The following SEC14L6 variants were observed in gnomAD, a reference collection of about 807,000 sequenced individuals.
SEC14L6 encodes the protein SEC14 like lipid binding 6, also known as SEC14-like protein 6.
A neutral mutation model predicts 54.1 loss-of-function variants in SEC14L6; 40 were observed. The observed-to-expected ratio is 0.74, with a 90% confidence interval of 0.57 to 0.96. SEC14L6 has a LOEUF of 0.96. Ranked by LOEUF, SEC14L6 falls within the 40% of genes least tolerant of loss-of-function variation. SEC14L6 has a pLI of 0.00. For synonymous variants in SEC14L6, 171 were observed against 198.4 expected (o/e 0.86, Z 1.16); for missense variants, 471 against 498.3 (o/e 0.95, Z 0.52).
chr22:30,529,459 C>T (rs1030031890), intron 6 of SEC14L6, 110 bp from the exon 7 acceptor site: 24 of 840,066 alleles, frequency 2.9e-5, no homozygotes, highest in Non-Finnish European at 4.5e-5. Flanking sequence ...CGAATGCCAA[C>T]CATCCAAGGC....
At chr22:30,542,961 C>G (rs1047188822) in intron 1 of SEC14L6, 1 of 1,601,332 alleles carries the variant, frequency 6.2e-7, no homozygotes, top group South Asian at 1.1e-5. Flanking sequence ...GGAGCCCTGA[C>G]GTGGAGTTGA....
At chr22:30,542,485 G>C (rs1028817594) in intron 1 of SEC14L6, 1 of 598,302 alleles carries the variant, frequency 1.7e-6, no homozygotes, top group South Asian at 2.7e-5. Context: ...ACAAGTTTGC[G>C]CAAAGTGGAG....
At position 30,525,763 on chromosome 22, in the gene SEC14L6, G is replaced by A. The variant is rs1936754311; in HGVS notation, c.772-13C>T. 1 of 1,613,704 alleles carries A rather than the reference G, an allele frequency of 6.2e-7. No individual in the cohort carries two copies. The highest frequency in any genetic ancestry group is 1.7e-5 in the Admixed American group (1 of 59,976). On this transcript the variant is annotated splice_polypyrimidine_tract_variant and intron_variant, in intron 9 of 11. Coordinates refer to ENST00000402034, the MANE Select transcript of SEC14L6 (RefSeq NM_001193336.4). Reference sequence around the variant, plus strand: ...CCCCGTAGTTGATCTGTGGGTGAAGGGGGTGTGTGGGCACTAGGTCACAGC... The same window carrying A: ...CCCCGTAGTTGATCTGTGGGTGAAGAGGGTGTGTGGGCACTAGGTCACAGC...
At chr22:30,529,489 G>T in intron 6 of SEC14L6, 140 bp from the exon 7 acceptor site, 1 of 678,092 alleles carries the variant, frequency 1.5e-6, no homozygotes, top group Non-Finnish European at 2.6e-6. Context: ...GACGGCTCCC[G>T]ATGCCCAGAC....
In SEC14L6 at chr22:30,523,336, G is replaced by T. The variant is rs1936665211; in HGVS notation, c.*1661C>A. The T allele has an allele frequency of 6.6e-6, 1 of 152,310 alleles. No individual in the cohort carries two copies. Among genetic ancestry groups the T allele is most frequent in the Non-Finnish European group, 1.5e-5 (1 of 68,164 alleles). The allele number at this position is 152,310 out of a possible 1,614,324, so 9.4% of individuals were successfully genotyped here. ...GACTGTGGGCTGACACCGACCTAGT[G>T]TCCCACTGTGAGGCTCAGTCTGAAT... is the stretch of plus-strand genomic sequence containing the variant. On this transcript the variant is annotated 3_prime_UTR_variant, in exon 12 of 12. Coordinates refer to ENST00000402034, the MANE Select transcript of SEC14L6 (RefSeq NM_001193336.4).
chr22:30,541,172 C>T (rs1023600369), intron 1 of SEC14L6, among the ~76,000 whole-genome samples: 2 of 151,450 alleles, frequency 1.3e-5, no homozygotes, highest in Admixed American at 6.6e-5. Flanking sequence ...AAGATTCATA[C>T]AATTCAAGAA....
chr22:30,534,189 G>T, intron 2 of SEC14L6, 150 bp from the exon 3 acceptor site: 1 of 637,578 alleles, frequency 1.6e-6, no homozygotes, highest in African/African-American at 1.8e-5. Context: ...CACAATGGCT[G>T]AGATATCCGG....
At chr22:30,533,387 G>A (rs1041777300) in intron 3 of SEC14L6, among the ~76,000 whole-genome samples, 8 of 152,104 alleles carry the variant, frequency 5.3e-5, no homozygotes, top group African/African-American at 1.9e-4. Context: ...GATCACCCGA[G>A]GTCAGGAGTT....
intron 10 of SEC14L6, 21 bp from the exon 11 acceptor site, chr22:30,525,540 T>C (rs572735561): frequency 9.3e-6 from 15 of 1,611,770 alleles, no homozygotes; most frequent in Admixed American, 3.3e-5. Flanking sequence ...TAGAGCCCCA[T>C]TGGCGACCCC....
chr22:30,536,357 C>G (rs2146280978), intron 2 of SEC14L6, among the ~76,000 whole-genome samples: 1 of 152,292 alleles, frequency 6.6e-6, no homozygotes, highest in African/African-American at 2.4e-5. Context: ...GCAGCTGAAA[C>G]CGACTCCAGC....
intron 6 of SEC14L6, 40 bp downstream of exon 6, chr22:30,531,863 A>G: frequency 7.0e-7 from 1 of 1,434,344 alleles, no homozygotes; most frequent in African/African-American, 1.4e-5. Flanking sequence ...AGACCCAGGC[A>G]TTTGACCACC....
At chr22:30,542,404 G>C in intron 1 of SEC14L6, 2 of 425,132 alleles carry the variant, frequency 4.7e-6, no homozygotes, top group Non-Finnish European at 8.2e-6. Flanking sequence ...GGCGAGGGGA[G>C]GTCGGCCGCA....
Position 30,532,799 on chromosome 22 carries a change from CTGGGGGCTGCCAGG to C in SEC14L6, c.218_231del (p.Ala73GlyfsTer9). On this transcript the variant is annotated frameshift_variant, in exon 4 of 12. Coordinates refer to ENST00000402034, the MANE Select transcript of SEC14L6 (RefSeq NM_001193336.4). LOFTEE classifies it high-confidence loss of function. ...GTATGGGTTTGAGAGATGCTCACCT[CTGGGGGCTGCCAGG>C]CAAGGATGTTGGCCAGGTCTTGTTG... 6.2e-7 allele frequency: 1 copy of C among 1,613,338 alleles called. No individual in the cohort carries two copies. The highest frequency in any genetic ancestry group is 8.5e-7 in the Non-Finnish European group (1 of 1,179,772).
chr22:30,538,812 A>T lies in SEC14L6; in HGVS notation c.130+15T>A, dbSNP rs776279914. ...ATGCCATTGACCCTACCCCAGCCCC[A>T]CGCTCTATCCTTACCTTGGAGCCAG... is the stretch of plus-strand genomic sequence containing the variant. On this transcript the variant is annotated intron_variant, in intron 2 of 11. Coordinates refer to ENST00000402034, the MANE Select transcript of SEC14L6 (RefSeq NM_001193336.4). 4 of 1,541,722 alleles carry T rather than the reference A, an allele frequency of 2.6e-6. No individual in the cohort carries two copies. The African/African-American group carries it at 5.5e-5, about 21-fold the overall frequency.
In SEC14L6 at chr22:30,524,275, G is replaced by A. The variant is rs73881472; in HGVS notation, c.*722C>T. 0.032 allele frequency: 4,943 copies of A among 152,264 alleles called. 264 individuals are homozygous for A. Among genetic ancestry groups the A allele is most frequent in the African/African-American group, 0.11 (4,678 of 41,518 alleles). The allele number at this position is 152,264 out of a possible 1,614,324, so 9.4% of individuals were successfully genotyped here. A position where few individuals can be genotyped will look rare whatever the true frequency, so the allele number is the denominator to read the frequency against. On this transcript the variant is annotated 3_prime_UTR_variant, in exon 12 of 12. Transcript: ENST00000402034. The stretch of plus-strand genomic sequence containing the variant: ...CCTCCTCTTCCCCCTATGGCACAGC[G>A]GCCCCTCCTCTTGGGAACTGTGAGT...
intron 1 of SEC14L6, chr22:30,542,538 C>T (rs969637808): frequency 1.5e-4 from 182 of 1,177,694 alleles, no homozygotes; most frequent in Non-Finnish European, 1.8e-4. Context: ...GCTTCTAGTG[C>T]CTTCCAGCCC....
At chr22:30,531,577 A>G (rs2146261984) in intron 6 of SEC14L6, among the ~76,000 whole-genome samples, 1 of 152,204 alleles carries the variant, frequency 6.6e-6, no homozygotes, top group South Asian at 2.1e-4. Flanking sequence ...ATACAAAATT[A>G]GCCAGGCATG....
chr22:30,545,602 A>ATGT (rs1601906925), intron 1 of SEC14L6, among the ~76,000 whole-genome samples: 1 of 151,860 alleles, frequency 6.6e-6, no homozygotes, highest in East Asian at 1.9e-4. Context: ...GGGTCTCCCT[A>ATGT]TGTTGCTAAT....
Position 30,532,723 on chromosome 22 carries a change from T to C in SEC14L6, c.235-10A>G. On this transcript the variant is annotated splice_polypyrimidine_tract_variant and intron_variant, in intron 4 of 11. Coordinates refer to ENST00000402034, the MANE Select transcript of SEC14L6 (RefSeq NM_001193336.4). The stretch of plus-strand genomic sequence containing the variant: ...TGTACAGCCTGACCACCTGGATGCA[T>C]ACACAGGAGACGGGGGTTCAGTGCC... 5 of 1,580,686 alleles carry C rather than the reference T, an allele frequency of 3.2e-6. No homozygotes were observed. Among genetic ancestry groups the C allele is most frequent in the Non-Finnish European group, 3.4e-6 (4 of 1,163,132 alleles).
Sources: gnomAD v4.1 joint callset for allele counts (sites outside exome capture counted in the v4.1 genomes callset) on GRCh38, gnomAD v4.1.1 for gene constraint, MANE v1.5 for transcripts, NCBI Gene and HGNC (gene_info 2026-07-23, HGNC 2026-07-21) for gene names.